PTPRG: variants seen among roughly 807,000 people sequenced by gnomAD.
The protein encoded by PTPRG is receptor-type tyrosine-protein phosphatase gamma.
A neutral mutation model predicts 165.3 loss-of-function variants in PTPRG; 102 were observed. That is an observed-to-expected ratio of 0.62 (90% CI 0.53 to 0.73). The LOEUF is 0.73. Ranked by LOEUF, PTPRG falls within the 30% of genes least tolerant of loss-of-function variation. The pLI is 0.00. For synonymous variants in PTPRG, 675 were observed against 669.5 expected, an observed-to-expected ratio of 1.01 and a Z score of -0.13; for missense variants, 1,866 against 1,861.4, an observed-to-expected ratio of 1.00 and a Z score of -0.05.
intron 1 of PTPRG, among the ~76,000 whole-genome samples, chr3:61,571,766 A>T (rs1001379336): frequency 7.2e-5 from 11 of 152,164 alleles, no homozygotes; most frequent in Admixed American, 7.2e-4. Context: ...CATGTATATC[A>T]TCTAAGTGTG....
At chr3:62,069,684 T>TCTCTCTCTGTCA (rs542306888) in intron 4 of PTPRG, among the ~76,000 whole-genome samples, 2 of 144,960 alleles carry the variant, frequency 1.4e-5, no homozygotes, top group South Asian at 2.3e-4. Context: ...TCTCTCTCTC[T>TCTCTCTCTGTCA]CACACACAGA....
intron 23 of PTPRG, 75 bp from the exon 24 acceptor site, chr3:62,275,798 A>AT: frequency 9.0e-7 from 1 of 1,110,122 alleles, no homozygotes; most frequent in Non-Finnish European, 1.3e-6. Flanking sequence ...TCTGATTGGG[A>AT]TTTTTGCCAA....
At chr3:62,038,079 A>G (rs1394934401) in intron 4 of PTPRG, among the ~76,000 whole-genome samples, 1 of 152,186 alleles carries the variant, frequency 6.6e-6, no homozygotes, top group African/African-American at 2.4e-5. Context: ...TTCATGTCCC[A>G]GCTCTATTAT....
At chr3:61,748,479 A>G (rs1421477290) in intron 1 of PTPRG, among the ~76,000 whole-genome samples, 2 of 152,206 alleles carry the variant, frequency 1.3e-5, no homozygotes, top group Non-Finnish European at 1.5e-5. Context: ...ACCGAAGTCT[A>G]CCAGTTAGTT....
intron 15 of PTPRG, among the ~76,000 whole-genome samples, chr3:62,250,110 AAC>A (rs1701377799): frequency 6.6e-6 from 1 of 152,200 alleles, no homozygotes; most frequent in Admixed American, 6.5e-5. Flanking sequence ...TACTTTTCAT[AAC>A]ACTCTATGAA....
chr3:61,962,871 A>AT (rs1467598865), intron 2 of PTPRG, among the ~76,000 whole-genome samples: 2 of 152,038 alleles, frequency 1.3e-5, no homozygotes, highest in South Asian at 2.1e-4. Context: ...TGTTATGTTT[A>AT]TTTTTTTGTT....
At chr3:61,661,407 T>C (rs1421767474) in intron 1 of PTPRG, among the ~76,000 whole-genome samples, 2 of 152,216 alleles carry the variant, frequency 1.3e-5, no homozygotes, top group African/African-American at 4.8e-5. Context: ...TTATTTCTCC[T>C]TTAGTGTCTA....
chr3:61,767,070 C>A (rs548094003), intron 2 of PTPRG, among the ~76,000 whole-genome samples: 1 of 151,058 alleles, frequency 6.6e-6, no homozygotes. Context: ...ATGGTGAAAC[C>A]CCATCTCTAC....
At chr3:61,680,541 C>T (rs1183686325) in intron 1 of PTPRG, among the ~76,000 whole-genome samples, 1 of 145,826 alleles carries the variant, frequency 6.9e-6, no homozygotes, top group Middle Eastern at 3.4e-3. Context: ...GCATGGGAGC[C>T]TGGCAAAATA....
chr3:62,281,544 T>TTTTTTTTTTTTC lies in PTPRG; in HGVS notation c.3766-12_3766-11insTTTTCTTTTTTT. 7.3e-7 allele frequency: 1 copy of TTTTTTTTTTTTC among 1,367,926 alleles called. No homozygotes were observed. The highest frequency in any genetic ancestry group is 9.8e-7 in the Non-Finnish European group (1 of 1,023,234). The allele number at this position is 1,367,926 out of a possible 1,614,324, so 84.7% of individuals were successfully genotyped here. On this transcript the variant is annotated intron_variant, in intron 26 of 29. Transcript: ENST00000474889. Reference sequence around the variant, plus strand: ...CTTGACAGAACTGCAGAGGCTTTTTTTTTTTTTGGATTCCAAAGGCAGAAG... The same window carrying TTTTTTTTTTTTC: ...CTTGACAGAACTGCAGAGGCTTTTTTTTTTTTTTTTTCTTTTTTTGGATTCCAAAGGCAGAAG...
At chr3:61,820,026 G>C (rs1326830997) in intron 2 of PTPRG, among the ~76,000 whole-genome samples, 4 of 152,134 alleles carry the variant, frequency 2.6e-5, no homozygotes, top group Non-Finnish European at 1.5e-5. Context: ...GAATACATTG[G>C]AGAAAAAGGG....
chr3:61,673,190 CA>C (rs1319318513), intron 1 of PTPRG, among the ~76,000 whole-genome samples: 1 of 152,062 alleles, frequency 6.6e-6, no homozygotes, highest in African/African-American at 2.4e-5. Context: ...AAAGATAAAA[CA>C]AATAAATAAC....
At chr3:62,283,310 T>C (rs567778725) in intron 28 of PTPRG, among the ~76,000 whole-genome samples, 1 of 152,244 alleles carries the variant, frequency 6.6e-6, no homozygotes, top group Non-Finnish European at 1.5e-5. Flanking sequence ...CTAGTATTAA[T>C]GATAATATTT....
chr3:62,188,011 A>G (rs141518883), intron 8 of PTPRG, among the ~76,000 whole-genome samples: 2,742 of 152,302 alleles, frequency 0.018, 52 homozygotes, highest in South Asian at 0.035. Context: ...ATCATTCAAG[A>G]CAATGACACT....
intron 2 of PTPRG, among the ~76,000 whole-genome samples, chr3:61,814,342 C>G (rs1030006638): frequency 6.6e-6 from 1 of 152,168 alleles, no homozygotes; most frequent in African/African-American, 2.4e-5. Flanking sequence ...GCTTATAGTT[C>G]ATAACCACTG....
At chr3:62,288,689 AT>A (rs1702764258) in intron 28 of PTPRG, among the ~76,000 whole-genome samples, 1 of 151,734 alleles carries the variant, frequency 6.6e-6, no homozygotes, top group African/African-American at 2.4e-5. Context: ...AAAAAAAAAA[AT>A]TCGAAAGTTG....
chr3:61,751,810 G>T (rs1296871164), intron 2 of PTPRG, among the ~76,000 whole-genome samples: 1 of 152,026 alleles, frequency 6.6e-6, no homozygotes, highest in Non-Finnish European at 1.5e-5. Flanking sequence ...CTAACACGGT[G>T]AAATCCCGTC....
chr3:61,928,881 A>G (rs1215714713), intron 2 of PTPRG, among the ~76,000 whole-genome samples: 1 of 152,192 alleles, frequency 6.6e-6, no homozygotes, highest in African/African-American at 2.4e-5. Flanking sequence ...GTGGTTCTCA[A>G]CTAAAGGTGA....
At chr3:62,115,540 A>G (rs1241503242) in intron 5 of PTPRG, among the ~76,000 whole-genome samples, 2 of 152,134 alleles carry the variant, frequency 1.3e-5, no homozygotes, top group Non-Finnish European at 2.9e-5. Context: ...TCACTTCTAT[A>G]TCTGCTTGAA....
Sources: allele counts gnomAD v4.1 joint callset (sites outside exome capture counted in the v4.1 genomes callset), GRCh38; gene constraint gnomAD v4.1.1; transcripts MANE v1.5; gene names NCBI Gene and HGNC (gene_info 2026-07-23, HGNC 2026-07-21).